Variants in SEMA4D observed in about 807,000 individuals in gnomAD.
SEMA4D encodes semaphorin 4D.
In SEMA4D, 22 loss-of-function variants were observed where a neutral mutation model predicts 74.8. That is an observed-to-expected ratio of 0.29 (90% CI 0.21 to 0.42). The LOEUF (loss-of-function observed/expected upper bound fraction) is 0.42, where lower values mean the gene tolerates loss of function less well. Ranked by LOEUF, SEMA4D falls within the 10% of genes least tolerant of loss-of-function variation. The probability of loss-of-function intolerance (pLI) is 1.00; values close to 1 mark genes in which losing one functional copy is unlikely to be tolerated. For synonymous variants in SEMA4D, 445 were observed against 463.7 expected, an observed-to-expected ratio of 0.96 and a Z score of 0.52; for missense variants, 937 against 1,118.4, an observed-to-expected ratio of 0.84 and a Z score of 2.31.
chr9:89,433,312 G>T (rs547614621), intron 2 of SEMA4D, among the ~76,000 whole-genome samples: 1 of 152,216 alleles, frequency 6.6e-6, no homozygotes, highest in African/African-American at 2.4e-5. Context: ...GGGCCACCAG[G>T]GGACTTGCTC....
chr9:89,440,555 A>G (rs1851474925), intron 2 of SEMA4D, among the ~76,000 whole-genome samples: 2 of 152,146 alleles, frequency 1.3e-5, no homozygotes, highest in Admixed American at 1.3e-4. Flanking sequence ...CCTCCACAGC[A>G]GCAGGGCCCT....
At chr9:89,396,255 C>A (rs1041544128) in intron 6 of SEMA4D, among the ~76,000 whole-genome samples, 11 of 152,176 alleles carry the variant, frequency 7.2e-5, no homozygotes, top group Admixed American at 4.6e-4. Flanking sequence ...CACAGATGCA[C>A]CAACCAAGAA....
At chr9:89,440,496 G>A (rs1286405070) in intron 2 of SEMA4D, among the ~76,000 whole-genome samples, 2 of 137,880 alleles carry the variant, frequency 1.5e-5, no homozygotes, top group African/African-American at 5.1e-5. Context: ...TGGCCCCTGA[G>A]CCCTACCCTC....
intron 1 of SEMA4D, among the ~76,000 whole-genome samples, chr9:89,480,243 A>G (rs1442412177): frequency 6.6e-6 from 1 of 152,040 alleles, no homozygotes; most frequent in Non-Finnish European, 1.5e-5. Context: ...CGATTGGTGC[A>G]CTCACAAACC....
chr9:89,478,178 G>C (rs1862235214), intron 1 of SEMA4D, among the ~76,000 whole-genome samples: 1 of 152,224 alleles, frequency 6.6e-6, no homozygotes, highest in Non-Finnish European at 1.5e-5. Flanking sequence ...TGCTGTAACA[G>C]GTTGAAGAGA....
At chr9:89,399,070 T>C (rs1170383631) in intron 5 of SEMA4D, among the ~76,000 whole-genome samples, 1 of 152,218 alleles carries the variant, frequency 6.6e-6, no homozygotes, top group Non-Finnish European at 1.5e-5. Context: ...CAAATATGTT[T>C]GGCACCTGCT....
rs1837209152 is a variant in SEMA4D, at chr9:89,381,997, G to T, written c.1447-651C>A. On this transcript the variant is annotated intron_variant, in intron 13 of 15. Coordinates refer to ENST00000422704, the MANE Select transcript of SEMA4D (RefSeq NM_001371194.2). This position sits in a 1 kb window ranked among gnomAD's most constrained non-coding sequence, Gnocchi z 4.6. Reference sequence around the variant, plus strand: ...TGTAAAAGGGAAGAGCTCACAGACGGGAAGTCAACCTCCGAGCTCCAGAGC... The same window carrying T: ...TGTAAAAGGGAAGAGCTCACAGACGTGAAGTCAACCTCCGAGCTCCAGAGC... Among the ~76,000 whole-genome samples the T allele has an allele frequency of 6.6e-6, 1 of 152,220 alleles. No homozygotes were observed. The highest frequency in any genetic ancestry group is 1.5e-5 in the Non-Finnish European group (1 of 68,024).
chr9:89,432,857 G>A (rs1464596014), intron 2 of SEMA4D, among the ~76,000 whole-genome samples: 3 of 152,178 alleles, frequency 2.0e-5, no homozygotes, highest in African/African-American at 7.2e-5. Context: ...GTGTTCCTGA[G>A]ATTCCACTCT....
chr9:89,473,417 G>C (rs967125537), intron 1 of SEMA4D, among the ~76,000 whole-genome samples: 9 of 151,430 alleles, frequency 5.9e-5, no homozygotes, highest in African/African-American at 1.9e-4. Flanking sequence ...TAGAGGTCTA[G>C]ATGAGGTTTT....
At chr9:89,385,660 G>C (rs1321230823) in intron 13 of SEMA4D, 1 of 754,908 alleles carries the variant, frequency 1.3e-6, no homozygotes, top group Non-Finnish European at 1.6e-6. Context: ...GGGGAGGGAA[G>C]AGGACAGAAG....
chr9:89,461,294 C>T (rs1244777814), intron 1 of SEMA4D, among the ~76,000 whole-genome samples: 2 of 152,196 alleles, frequency 1.3e-5, no homozygotes, highest in African/African-American at 2.4e-5. Context: ...AAGGGTACCT[C>T]TTAGCTATCA....
chr9:89,437,875 C>T (rs1429821374), intron 2 of SEMA4D, among the ~76,000 whole-genome samples: 2 of 152,218 alleles, frequency 1.3e-5, no homozygotes, highest in Non-Finnish European at 2.9e-5. Flanking sequence ...AACCCAGATA[C>T]CAAGTCTAAA....
At position 89,379,639 on chromosome 9, in the gene SEMA4D, C is replaced by A; in HGVS notation, c.1664-10G>T. The A allele has an allele frequency of 6.3e-7, 1 of 1,599,528 alleles. No homozygotes were observed. Among genetic ancestry groups the A allele is most frequent in the South Asian group, 1.1e-5 (1 of 89,674 alleles). ...CTTCCTTTACTTTTATCTGGAACAT[C>A]AAAATAAACGTGCACAGCGTCAACA... On this transcript the variant is annotated splice_polypyrimidine_tract_variant and intron_variant, in intron 15 of 15. Transcript: ENST00000422704.
At chr9:89,487,852 G>A (rs979025853) in intron 1 of SEMA4D, among the ~76,000 whole-genome samples, 1 of 152,152 alleles carries the variant, frequency 6.6e-6, no homozygotes, top group East Asian at 1.9e-4. Context: ...AAGAAATAAA[G>A]GAAGATGAAA....
intron 1 of SEMA4D, among the ~76,000 whole-genome samples, chr9:89,462,940 T>C: frequency 0.023 from 2 of 88 alleles, no homozygotes; most frequent in Admixed American, 0.1. Flanking sequence ...AAGACTGTGC[T>C]GGAAAGAAAG....
intron 2 of SEMA4D, among the ~76,000 whole-genome samples, chr9:89,429,985 C>G (rs1270186682): frequency 6.6e-6 from 1 of 151,772 alleles, no homozygotes; most frequent in African/African-American, 2.4e-5. Flanking sequence ...CTCTGTAACC[C>G]TAAAACCTGT....
intron 2 of SEMA4D, among the ~76,000 whole-genome samples, chr9:89,423,629 A>G (rs1474711330): frequency 6.6e-6 from 1 of 152,010 alleles, no homozygotes; most frequent in Non-Finnish European, 1.5e-5. Context: ...TCAGATTCCC[A>G]TGCTGCCACA....
chr9:89,488,548 C>A (rs952728125), intron 1 of SEMA4D, among the ~76,000 whole-genome samples: 1 of 151,674 alleles, frequency 6.6e-6, no homozygotes, highest in Non-Finnish European at 1.5e-5. Context: ...AATTTTTGTA[C>A]TTTTAGTAGA....
At position 89,380,527 on chromosome 9, in the gene SEMA4D, G is replaced by A. The variant is rs149265691; in HGVS notation, c.1663+528C>T. On this transcript the variant is annotated intron_variant, in intron 15 of 15. Transcript: ENST00000422704. ...AACCTTTCTTAGTCTGATGACAGCT[G>A]TCTTGTCAGGGTCAGGAAGACACAG... is the stretch of plus-strand genomic sequence containing the variant. Among the ~76,000 whole-genome samples, 85 of 152,330 alleles carry A rather than the reference G, an allele frequency of 5.6e-4. 1 individual carries two copies. The highest frequency in any genetic ancestry group is 3.4e-3 in the Middle Eastern group (1 of 294).
Sources: allele counts gnomAD v4.1 joint callset (sites outside exome capture counted in the v4.1 genomes callset), GRCh38; gene constraint gnomAD v4.1.1; non-coding constraint Gnocchi (gnomAD v3.1); transcripts MANE v1.5; gene names NCBI Gene and HGNC (gene_info 2026-07-23, HGNC 2026-07-21).